TGFB1: variants seen among roughly 807,000 people sequenced by gnomAD.
TGFB1 encodes the protein transforming growth factor beta 1.
Under a neutral mutation model 43.8 loss-of-function variants are expected in TGFB1, and 19 were observed. The ratio of observed to expected loss-of-function variants is 0.43; its 90% CI spans 0.30 to 0.64. The LOEUF is 0.64. TGFB1 is among the 30% of genes least tolerant of loss of function. The pLI, the probability that TGFB1 is intolerant of heterozygous loss-of-function variation, is 0.11. For synonymous variants in TGFB1, 221 were observed against 236.3 expected (o/e 0.94, Z 0.60); for missense variants, 445 against 529.8 (o/e 0.84, Z 1.57).
At chr19:41,352,662 C>T (rs1255562588) in intron 1 of TGFB1, 28 bp downstream of exon 1, 1 of 1,610,686 alleles carries the variant, frequency 6.2e-7, no homozygotes, top group African/African-American at 1.3e-5. Context: ...GGGCCCCCCT[C>T]CCGGCTCCCC....
chr19:41,346,857 C>T (rs1210324676), intron 2 of TGFB1, among the ~76,000 whole-genome samples: 3 of 152,026 alleles, frequency 2.0e-5, no homozygotes, highest in Non-Finnish European at 2.9e-5. Context: ...TCCCAAGTAG[C>T]TGGGATTACA....
At chr19:41,347,185 G>C (rs1221526702) in intron 2 of TGFB1, among the ~76,000 whole-genome samples, 1 of 152,030 alleles carries the variant, frequency 6.6e-6, no homozygotes, top group African/African-American at 2.4e-5. Context: ...ACCATAACAG[G>C]CTAATTTTAG....
At chr19:41,345,108 G>A (rs138923030) in intron 2 of TGFB1, among the ~76,000 whole-genome samples, 42 of 152,322 alleles carry the variant, frequency 2.8e-4, no homozygotes, top group East Asian at 1.9e-3. Flanking sequence ...CAGCTCAGCC[G>A]AAGGTGTTTT....
chr19:41,333,062 C>T (rs538035739), intron 5 of TGFB1, among the ~76,000 whole-genome samples: 14 of 152,112 alleles, frequency 9.2e-5, no homozygotes, highest in Non-Finnish European at 1.6e-4. Context: ...CACGCCTACT[C>T]CACTCCAGCC....
At chr19:41,351,875 CTCGGTAAAGCCCT>C (rs975315238) in intron 1 of TGFB1, among the ~76,000 whole-genome samples, 11 of 151,986 alleles carry the variant, frequency 7.2e-5, no homozygotes, top group African/African-American at 2.7e-4. Context: ...TGTCTCCCCT[CTCGGTAAAGCCCT>C]TCCCATGACC....
chr19:41,341,291 C>G (rs1196151739), intron 5 of TGFB1, among the ~76,000 whole-genome samples: 1 of 150,658 alleles, frequency 6.6e-6, no homozygotes. Context: ...ACAGTGAAAC[C>G]CCATCTCTAC....
chr19:41,333,581 G>C (rs965911172), intron 5 of TGFB1, among the ~76,000 whole-genome samples: 5 of 152,152 alleles, frequency 3.3e-5, no homozygotes, highest in Non-Finnish European at 7.4e-5. Flanking sequence ...GGCTGGTGTC[G>C]AACTTGGGCT....
intron 2 of TGFB1, among the ~76,000 whole-genome samples, chr19:41,347,502 C>T (rs1253480591): frequency 6.6e-6 from 1 of 152,054 alleles, no homozygotes; most frequent in Non-Finnish European, 1.5e-5. Context: ...AAGTGTTTAA[C>T]ATCCTAGGAT....
chr19:41,334,869 A>T (rs1052556834), intron 5 of TGFB1, among the ~76,000 whole-genome samples: 1 of 150,930 alleles, frequency 6.6e-6, no homozygotes, highest in African/African-American at 2.4e-5. Flanking sequence ...GAGCTACTAG[A>T]TAAAATAAGG....
At chr19:41,340,820 T>G (rs2038046702) in intron 5 of TGFB1, among the ~76,000 whole-genome samples, 2 of 152,204 alleles carry the variant, frequency 1.3e-5, no homozygotes, top group South Asian at 4.1e-4. Context: ...TCTTCCCATT[T>G]TGAATCCCCA....
At chr19:41,336,724 C>A (rs182824258) in intron 5 of TGFB1, among the ~76,000 whole-genome samples, 1 of 152,054 alleles carries the variant, frequency 6.6e-6, no homozygotes, top group African/African-American at 2.4e-5. Context: ...TGCAATCCAC[C>A]GTGTTGCTTC....
At chr19:41,340,990 A>G (rs2038048168) in intron 5 of TGFB1, among the ~76,000 whole-genome samples, 2 of 152,142 alleles carry the variant, frequency 1.3e-5, no homozygotes, top group South Asian at 4.1e-4. Flanking sequence ...TTGAATTCCA[A>G]CAATCACAGG....
At chr19:41,332,694 C>T (rs1035719215) in intron 5 of TGFB1, among the ~76,000 whole-genome samples, 4 of 152,092 alleles carry the variant, frequency 2.6e-5, no homozygotes, top group Non-Finnish European at 5.9e-5. Flanking sequence ...CTACTGTGGA[C>T]TGAGGACAAA....
intron 5 of TGFB1, among the ~76,000 whole-genome samples, chr19:41,333,456 G>A (rs1442057363): frequency 2.6e-5 from 4 of 151,838 alleles, no homozygotes; most frequent in African/African-American, 7.3e-5. Context: ...CTTGTGATCC[G>A]CCCACCTCAG....
intron 5 of TGFB1, among the ~76,000 whole-genome samples, chr19:41,333,776 C>A (rs1346048045): frequency 6.6e-6 from 1 of 152,218 alleles, no homozygotes; most frequent in African/African-American, 2.4e-5. Flanking sequence ...CTGAACATCA[C>A]CTCCTCAGAG....
At chr19:41,333,315 C>T (rs1012080482) in intron 5 of TGFB1, among the ~76,000 whole-genome samples, 1 of 147,362 alleles carries the variant, frequency 6.8e-6, no homozygotes, top group Admixed American at 7.0e-5. Context: ...CAGGTTCAAG[C>T]GATTCTCCTG....
chr19:41,331,264 C>G, intron 6 of TGFB1, 54 bp from the exon 7 acceptor site: 1 of 1,444,424 alleles, frequency 6.9e-7, no homozygotes, highest in South Asian at 1.4e-5. Context: ...AGGAAAACGG[C>G]CCTCCACTGC....
At position 41,352,924 on chromosome 19, in the gene TGFB1, C is replaced by A. The variant is rs1467697276; in HGVS notation, c.121G>T (p.Val41Leu). 1 of 1,556,810 alleles carries A rather than the reference C, an allele frequency of 6.4e-7. No individual in the cohort carries two copies. The highest frequency in any genetic ancestry group is 8.7e-7 in the Non-Finnish European group (1 of 1,152,178). The change falls in exon 1 of 7, where the codon GTG becomes TTG. Residue 41 changes from valine (V) to leucine (L), a missense_variant. By Grantham distance (32) the Val-to-Leu change is conservative. This residue lies in a region of TGFB1 where 366 missense variants were observed against 428.8 expected (regional missense o/e 0.85). Coordinates refer to ENST00000221930, the MANE Select transcript of TGFB1 (RefSeq NM_000660.7). ...STCKTIDMEL[V>L]KRKRIEAIRG... ...ATGGCCTCGATGCGCTTCCGCTTCA[C>A]CAGCTCCATGTCGATAGTCTTGCAG...
In TGFB1 at chr19:41,341,466, C is replaced by CAAAAAAAAAA. The variant is rs770264069; in HGVS notation, c.860+407_860+416dup. ...CAGGTGACAGAGCGAGACTCTGTCT[C>CAAAAAAAAAA]AAAAAAAAAAAAAAAAAAAAAAAAA... On this transcript the variant is annotated intron_variant, in intron 5 of 6. Coordinates refer to ENST00000221930, the MANE Select transcript of TGFB1 (RefSeq NM_000660.7). 2.2e-3 allele frequency among the ~76,000 whole-genome samples: 77 copies of CAAAAAAAAAA among 35,578 alleles called. 10 individuals carry two copies. The highest frequency in any genetic ancestry group is 7.9e-3 in the African/African-American group (63 of 8,006). 23.3% of individuals were successfully genotyped at this position (35,578 alleles called of 152,430 possible). A position where few individuals can be genotyped will look rare whatever the true frequency, so the allele number is the denominator to read the frequency against.
Sources: gnomAD v4.1 joint callset for allele counts (sites outside exome capture counted in the v4.1 genomes callset) on GRCh38, gnomAD v4.1.1 for gene constraint, gnomAD v4.1.1 regional missense constraint, MANE v1.5 for transcripts, NCBI Gene and HGNC (gene_info 2026-07-23, HGNC 2026-07-21) for gene names.